Variants in ZNF425 observed in about 807,000 individuals in gnomAD.
ZNF425 encodes zinc finger protein 425.
A neutral mutation model predicts 17.0 loss-of-function variants in ZNF425; 21 were observed. The ratio of observed to expected loss-of-function variants is 1.23; its 90% confidence interval spans 0.88 to 1.78. ZNF425 has a LOEUF of 1.78. ZNF425 is among the 40% of genes most tolerant of loss of function. The probability of loss-of-function intolerance (pLI) is 0.00; values close to 1 mark genes in which losing one functional copy is unlikely to be tolerated. For missense variants in ZNF425, 868 were observed against 967.3 expected, an observed-to-expected ratio of 0.90 and a Z score of 1.36; for synonymous variants, 433 against 384.1, an observed-to-expected ratio of 1.13 and a Z score of -1.49.
intron 1 of ZNF425, 25 bp from the exon 2 acceptor site, chr7:149,118,373 T>TA (rs756966529): frequency 6.2e-6 from 10 of 1,611,720 alleles, no homozygotes; most frequent in Non-Finnish European, 8.5e-6. Context: ...AGTATACACA[T>TA]ACATTTTTAC....
At chr7:149,121,505 C>T (rs1233650657) in intron 1 of ZNF425, among the ~76,000 whole-genome samples, 1 of 151,904 alleles carries the variant, frequency 6.6e-6, no homozygotes, top group Non-Finnish European at 1.5e-5. Context: ...GATTCTCCTG[C>T]CTCAGCCTCA....
chr7:149,108,216 T>C (rs923615134), intron 3 of ZNF425, among the ~76,000 whole-genome samples: 1 of 152,100 alleles, frequency 6.6e-6, no homozygotes, highest in Non-Finnish European at 1.5e-5. Flanking sequence ...CGGCTAATTT[T>C]TGTATTTTTA....
intron 3 of ZNF425, among the ~76,000 whole-genome samples, chr7:149,109,190 G>A (rs1207457638): frequency 2.7e-5 from 4 of 150,326 alleles, no homozygotes; most frequent in South Asian, 2.1e-4. Flanking sequence ...CCATTCTCCT[G>A]TCTCACCCTC....
rs368727730 is a variant in ZNF425, at chr7:149,105,145, C to T, written c.726G>A (p.Gln242=). The T allele has an allele frequency of 6.6e-5, 107 of 1,614,260 alleles. 1 individual carries two copies. In the East Asian group the frequency reaches 1.1e-3, roughly 16 times the overall value. The change falls in exon 4 of 4, where the codon CAG becomes CAA. Residue 242 remains glutamine, a synonymous_variant. Coordinates refer to ENST00000378061, the MANE Select transcript of ZNF425 (RefSeq NM_001001661.3). The part of the protein sequence containing the change: ...ELRRTQRLLC[Q]KKRFQCSECE... ...ACTCACTGCACTGGAACCGCTTCTT[C>T]TGACACAGGAGCCTCTGCGTCCGCC...
Position 149,112,254 on chromosome 7 carries a change from G to T in ZNF425, c.187C>A (p.Gln63Lys). 1 of 1,614,038 alleles carries T rather than the reference G, an allele frequency of 6.2e-7. No individual in the cohort carries two copies. Among genetic ancestry groups the T allele is most frequent in the South Asian group, 1.1e-5 (1 of 91,078 alleles). Residue 63 changes from glutamine to lysine, a missense_variant, in exon 3 of 4, where the codon CAA becomes AAA. Gln to Lys is a moderately conservative substitution (Grantham distance 53, BLOSUM62 1). Transcript: ENST00000378061. ...SKPDLITWME[Q>K]GRMLLISEQG... ...TCGCTGATTAATAGCATTCTCCCTT[G>T]TTCCATCCATGTGATCAAATCTGGC...
rs1249659417 is a variant in ZNF425 at position 149,126,314 on chromosome 7, C to A, written c.-101G>T. On this transcript the variant is annotated 5_prime_UTR_variant, in exon 1 of 4. Transcript: ENST00000378061. The stretch of plus-strand genomic sequence containing the variant: ...CCCTGCTGGCCCCCAAAGGCAGAGC[C>A]GGCCGGGCGCGGTGCATGCTGGGAC... The A allele has an allele frequency of 2.0e-6, 3 of 1,484,470 alleles. No homozygotes were observed. The highest frequency in any genetic ancestry group is 1.4e-5 in the African/African-American group (1 of 69,882). The allele number at this position is 1,484,470 out of a possible 1,614,324, so 92.0% of individuals were successfully genotyped here.
In ZNF425 at chr7:149,118,435, G is replaced by T. The variant is rs925758694; in HGVS notation, c.19-87C>A. The T allele has an allele frequency of 1.2e-5, 18 of 1,456,220 alleles. No homozygotes were observed. In the East Asian group the frequency reaches 4.1e-4, roughly 33 times the overall value. 90.2% of individuals were successfully genotyped at this position (1,456,220 alleles called of 1,614,324 possible). ...CCATTACTTTATTGAGATACAGAAAGAAAACATGTTAATTATTTCTGGATG... is the reference window on the plus strand; with the variant it reads ...CCATTACTTTATTGAGATACAGAAATAAAACATGTTAATTATTTCTGGATG... On this transcript the variant is annotated intron_variant, in intron 1 of 3. Transcript: ENST00000378061.
intron 1 of ZNF425, among the ~76,000 whole-genome samples, chr7:149,123,823 C>T (rs536039611): frequency 3.3e-4 from 49 of 149,986 alleles, no homozygotes; most frequent in Non-Finnish European, 5.2e-4. Context: ...TGAGCCACTG[C>T]GCCCGGACTT....
chr7:149,126,059 G>A (rs924373649), intron 1 of ZNF425, 137 bp downstream of exon 1: 35 of 1,507,324 alleles, frequency 2.3e-5, no homozygotes, highest in African/African-American at 5.5e-5. Context: ...AGCCCAGCCC[G>A]GAGCTCAGTC....
chr7:149,118,269 A>C lies in ZNF425; in HGVS notation c.98T>G (p.Met33Arg). Reference protein sequence around the residue: ...WEILEKWQKQMYKQEMKTNYE... With the variant: ...WEILEKWQKQRYKQEMKTNYE... ...ATTGGTCTTCATCTCTTGCTTATACATTTGCTTCTGCCACTTCTCCAGGAT... is the reference window on the plus strand; with the variant it reads ...ATTGGTCTTCATCTCTTGCTTATACCTTTGCTTCTGCCACTTCTCCAGGAT... The change falls in exon 2 of 4, where the codon ATG becomes AGG. Residue 33 changes from methionine (M) to arginine (R), a missense_variant. Met to Arg is a moderately conservative substitution (Grantham distance 91). Transcript: ENST00000378061. The C allele has an allele frequency of 6.2e-7, 1 of 1,613,988 alleles. No individual in the cohort carries two copies. The highest frequency in any genetic ancestry group is 8.5e-7 in the Non-Finnish European group (1 of 1,180,002).
rs1165656351 is a variant in ZNF425, at chr7:149,104,600, C to T, written c.1271G>A (p.Arg424His). The stretch of plus-strand genomic sequence containing the variant: ...GTGGGCTTTCAGGCTTCTCTTGAGG[C>T]GGAAACTTTTGTTACACTCGGGACA... The part of the protein sequence containing the change: ...FSCPECNKSF[R>H]LKRSLKAHGL... Residue 424 changes from arginine to histidine, a missense_variant, in exon 4 of 4, where the codon CGC becomes CAC. Coordinates refer to ENST00000378061, the MANE Select transcript of ZNF425 (RefSeq NM_001001661.3). The surrounding 1 kb of genome is among the most constrained non-coding windows in gnomAD (Gnocchi z 4.3). The T allele has an allele frequency of 1.2e-6, 2 of 1,613,986 alleles. No homozygotes were observed. Among genetic ancestry groups the T allele is most frequent in the Middle Eastern group, 1.7e-4 (1 of 6,060 alleles).
chr7:149,108,525 G>C (rs73477903), intron 3 of ZNF425, among the ~76,000 whole-genome samples: 1 of 152,166 alleles, frequency 6.6e-6, no homozygotes, highest in Non-Finnish European at 1.5e-5. Context: ...TATTGGCTGA[G>C]CACCACCTTG....
At position 149,104,817 on chromosome 7, in the gene ZNF425, G is replaced by A; in HGVS notation, c.1054C>T (p.His352Tyr). Reference sequence around the variant, plus strand: ...CAGTGGAAGGGCCTCTTCCCGCTGTGCTGGGTCAGATGGACCTTCATGCCC... The same window carrying A: ...CAGTGGAAGGGCCTCTTCCCGCTGTACTGGGTCAGATGGACCTTCATGCCC... ...KRGMKVHLTQ[H>Y]SGKRPFHCPE... is the part of the protein sequence containing the mutation. The change falls in exon 4 of 4, where the codon CAC becomes TAC. Residue 352 changes from histidine (H) to tyrosine (Y), a missense_variant. His to Tyr is a moderately conservative substitution (Grantham distance 83). Coordinates refer to ENST00000378061, the MANE Select transcript of ZNF425 (RefSeq NM_001001661.3). This position sits in a 1 kb window ranked among gnomAD's most constrained non-coding sequence, Gnocchi z 4.3. 2.5e-6 allele frequency: 4 copies of A among 1,613,872 alleles called. No individual in the cohort carries two copies. The highest frequency in any genetic ancestry group is 3.4e-6 in the Non-Finnish European group (4 of 1,180,002).
intron 1 of ZNF425, among the ~76,000 whole-genome samples, chr7:149,120,621 G>A (rs1178970152): frequency 6.6e-6 from 1 of 152,054 alleles, no homozygotes; most frequent in Non-Finnish European, 1.5e-5. Context: ...ACTTACTATT[G>A]TGTTACAACT....
intron 2 of ZNF425, among the ~76,000 whole-genome samples, chr7:149,115,672 A>G (rs1308320061): frequency 1.3e-5 from 2 of 150,866 alleles, no homozygotes; most frequent in African/African-American, 4.9e-5. Context: ...CCTGGGTGAC[A>G]GAGCGAGACT....
In ZNF425 at chr7:149,103,595, C is replaced by T. The variant is rs1182309160; in HGVS notation, c.*17G>A. 6.4e-7 allele frequency: 1 copy of T among 1,567,180 alleles called. No homozygotes were observed. The highest frequency in any genetic ancestry group is 8.6e-7 in the Non-Finnish European group (1 of 1,160,594). On this transcript the variant is annotated 3_prime_UTR_variant, in exon 4 of 4. Coordinates refer to ENST00000378061, the MANE Select transcript of ZNF425 (RefSeq NM_001001661.3). Reference sequence around the variant, plus strand: ...CACCTCCTGAAAGCCGACTGCGTGACTGCTGCATGGCCTGACCTAGAGGCT... The same window carrying T: ...CACCTCCTGAAAGCCGACTGCGTGATTGCTGCATGGCCTGACCTAGAGGCT...
rs1471147442 is a variant in ZNF425, at chr7:149,105,939, T to TA, written c.305-374_305-373insT. Among the ~76,000 whole-genome samples, 69 of 132,506 alleles carry TA rather than the reference T, an allele frequency of 5.2e-4. 2 individuals are homozygous for TA. In the South Asian group the frequency reaches 0.015, roughly 30 times the overall value. The allele number at this position is 132,506 out of a possible 152,430, so 86.9% of individuals were successfully genotyped here. On this transcript the variant is annotated intron_variant, in intron 3 of 3. Coordinates refer to ENST00000378061, the MANE Select transcript of ZNF425 (RefSeq NM_001001661.3). ...CGTGAGCCACCGCGCTTGGCCTTTT[T>TA]TAAAAAAAATTTTTTTCCTTTTTTT...
At chr7:149,116,420 T>C (rs769655479) in intron 2 of ZNF425, among the ~76,000 whole-genome samples, 16 of 152,176 alleles carry the variant, frequency 1.1e-4, no homozygotes, top group Non-Finnish European at 2.1e-4. Context: ...TTGATTCTTC[T>C]TTTTTTCCAC....
rs752594652 is a variant in ZNF425 at position 149,104,715 on chromosome 7, ACGGCTTTTCCT to A, written c.1145_1155del (p.Glu382ValfsTer5). The stretch of plus-strand genomic sequence containing the variant: ...TTCCTGCCACATTCACCACAAGAAA[ACGGCTTTTCCT>A]CGCTGTGCGTCCTCTGGTGGGTCTT... On this transcript the variant is annotated frameshift_variant, in exon 4 of 4. Transcript: ENST00000378061. LOFTEE classifies it low-confidence loss of function (END_TRUNC). This position sits in a 1 kb window ranked among gnomAD's most constrained non-coding sequence, Gnocchi z 4.3. 3 of 1,613,636 alleles carry A rather than the reference ACGGCTTTTCCT, an allele frequency of 1.9e-6. No homozygotes were observed. In the East Asian group the frequency reaches 6.7e-5, roughly 36 times the overall value.
Sources: gnomAD v4.1 joint callset for allele counts (sites outside exome capture counted in the v4.1 genomes callset) on GRCh38, gnomAD v4.1.1 for gene constraint, Gnocchi (gnomAD v3.1) non-coding constraint, MANE v1.5 for transcripts, NCBI Gene and HGNC (gene_info 2026-07-23, HGNC 2026-07-21) for gene names.